TACR1: variants seen among roughly 807,000 people sequenced by gnomAD.
The protein encoded by TACR1 is tachykinin receptor 1.
In TACR1, 25 loss-of-function variants were observed where a neutral mutation model predicts 35.8. The observed-to-expected ratio is 0.70, with a 90% confidence interval of 0.51 to 0.98. The LOEUF (loss-of-function observed/expected upper bound fraction) is 0.98. Among genes scored for constraint, TACR1 ranks in the 50% least tolerant of loss-of-function variants. The probability of loss-of-function intolerance (pLI) is 0.00; values close to 1 mark genes in which losing one functional copy is unlikely to be tolerated. For missense variants in TACR1, 478 were observed against 522.9 expected (o/e 0.91, Z 0.84); for synonymous variants, 195 against 206.7 (o/e 0.94, Z 0.48).
chr2:75,061,578 A>G (rs1426394469), intron 2 of TACR1, among the ~76,000 whole-genome samples: 1 of 152,164 alleles, frequency 6.6e-6, no homozygotes, highest in Non-Finnish European at 1.5e-5. Context: ...CGACACGAGT[A>G]CATGTCCCAT....
chr2:75,081,508 T>C (rs77649725), intron 2 of TACR1, among the ~76,000 whole-genome samples: 248 of 152,278 alleles, frequency 1.6e-3, no homozygotes, highest in African/African-American at 5.6e-3. Context: ...CCTGCTCTTT[T>C]TGCCTTAGGG....
At chr2:75,094,859 A>ATATATATT in intron 2 of TACR1, among the ~76,000 whole-genome samples, 37 of 113,106 alleles carry the variant, frequency 3.3e-4, no homozygotes, top group Middle Eastern at 4.2e-3. Flanking sequence ...ATATATATAT[A>ATATATATT]TTTTTTTTTT....
At chr2:75,159,543 G>A in intron 1 of TACR1, among the ~76,000 whole-genome samples, 1 of 152,030 alleles carries the variant, frequency 6.6e-6, no homozygotes. Context: ...GTTACAGGCA[G>A]GAAAAAAGAT....
chr2:75,120,855 T>C, intron 1 of TACR1, 87 bp from the exon 2 acceptor site: 1 of 1,092,662 alleles, frequency 9.2e-7, no homozygotes, highest in East Asian at 2.6e-5. Context: ...AATAAGAAAA[T>C]TCATAGAAAC....
Position 75,051,239 on chromosome 2 carries a change from T to C in TACR1, c.932+12A>G, listed in dbSNP as rs199644774. On this transcript the variant is annotated intron_variant, in intron 4 of 4. Coordinates refer to ENST00000305249, the MANE Select transcript of TACR1 (RefSeq NM_001058.4). ...GTGGCCCCTGGAGAGCTCATGGGGT[T>C]GGGATCCTCACCTGTCATTGAGGCA... 6.2e-7 allele frequency: 1 copy of C among 1,614,134 alleles called. No homozygotes were observed. Among genetic ancestry groups the C allele is most frequent in the Non-Finnish European group, 8.5e-7 (1 of 1,180,016 alleles).
chr2:75,050,344 A>G (rs2103777326), intron 4 of TACR1, among the ~76,000 whole-genome samples: 1 of 152,360 alleles, frequency 6.6e-6, no homozygotes, highest in Non-Finnish European at 1.5e-5. Context: ...CAAGTTGAAG[A>G]GAATGTCTTT....
At chr2:75,054,510 T>G (rs950904493) in intron 2 of TACR1, among the ~76,000 whole-genome samples, 1 of 152,222 alleles carries the variant, frequency 6.6e-6, no homozygotes, top group African/African-American at 2.4e-5. Context: ...CACGTTTGAC[T>G]GGGACATGAG....
chr2:75,157,411 C>G (rs1674889830), intron 1 of TACR1, among the ~76,000 whole-genome samples: 1 of 152,168 alleles, frequency 6.6e-6, no homozygotes, highest in Admixed American at 6.5e-5. Flanking sequence ...TCCTGACAAA[C>G]AAGCATCATA....
intron 1 of TACR1, chr2:75,187,508 G>C (rs565048888): frequency 6.6e-6 from 1 of 152,330 alleles, no homozygotes; most frequent in African/African-American, 2.4e-5. Context: ...CGAGGTCTAA[G>C]TTTGTTTTAA....
At chr2:75,117,454 C>T (rs764480565) in intron 2 of TACR1, among the ~76,000 whole-genome samples, 7 of 152,150 alleles carry the variant, frequency 4.6e-5, no homozygotes, top group Non-Finnish European at 1.0e-4. Context: ...CTGTCATCTT[C>T]CAGTGAAACC....
chr2:75,132,544 C>T (rs1384718453), intron 1 of TACR1, among the ~76,000 whole-genome samples: 3 of 152,150 alleles, frequency 2.0e-5, no homozygotes, highest in Non-Finnish European at 4.4e-5. Flanking sequence ...ACATAATAAA[C>T]ATAATTTATA....
intron 1 of TACR1, among the ~76,000 whole-genome samples, chr2:75,162,332 C>A (rs1675030072): frequency 6.6e-6 from 1 of 152,124 alleles, no homozygotes; most frequent in South Asian, 2.1e-4. Context: ...TTTCTTTAAG[C>A]AAAATGGCAG....
Position 75,048,433 on chromosome 2 carries a change from G to A in TACR1, c.*999C>T, listed in dbSNP as rs1006094138. 3 of 152,292 alleles carry A rather than the reference G, an allele frequency of 2.0e-5. No individual in the cohort carries two copies. In the East Asian group the frequency reaches 5.8e-4, roughly 29 times the overall value. The allele number at this position is 152,292 out of a possible 1,614,324, so 9.4% of individuals were successfully genotyped here. Reference sequence around the variant, plus strand: ...CAAAAGCCAAAACCTTCCATGAGAAGGAATGTACTCAGGATTTTAAGATAA... The same window carrying A: ...CAAAAGCCAAAACCTTCCATGAGAAAGAATGTACTCAGGATTTTAAGATAA... On this transcript the variant is annotated 3_prime_UTR_variant, in exon 5 of 5. Transcript: ENST00000305249.
At chr2:75,185,702 A>C (rs919656881) in intron 1 of TACR1, among the ~76,000 whole-genome samples, 11 of 152,218 alleles carry the variant, frequency 7.2e-5, no homozygotes, top group African/African-American at 2.7e-4. Flanking sequence ...ACACTCCAAT[A>C]TGTTGGATCT....
At chr2:75,185,746 C>G (rs1675677896) in intron 1 of TACR1, among the ~76,000 whole-genome samples, 1 of 152,172 alleles carries the variant, frequency 6.6e-6, no homozygotes, top group African/African-American at 2.4e-5. Context: ...ATTACTAAAG[C>G]TTTCTGAAGA....
intron 1 of TACR1, among the ~76,000 whole-genome samples, chr2:75,184,559 A>G (rs1378235536): frequency 1.3e-5 from 2 of 151,910 alleles, no homozygotes; most frequent in Non-Finnish European, 2.9e-5. Flanking sequence ...TAGAACTTCA[A>G]CTGAATTACA....
At chr2:75,135,866 G>T (rs1674277284) in intron 1 of TACR1, among the ~76,000 whole-genome samples, 1 of 152,080 alleles carries the variant, frequency 6.6e-6, no homozygotes, top group African/African-American at 2.4e-5. Context: ...CTTTCCTGTG[G>T]AGGAGGAGCC....
chr2:75,071,204 T>C (rs1221594295), intron 2 of TACR1, among the ~76,000 whole-genome samples: 1 of 152,202 alleles, frequency 6.6e-6, no homozygotes, highest in Non-Finnish European at 1.5e-5. Flanking sequence ...ATCCCTGCTG[T>C]AAGGGAAAAA....
intron 1 of TACR1, among the ~76,000 whole-genome samples, chr2:75,142,871 C>T (rs1674437309): frequency 6.6e-6 from 1 of 152,158 alleles, no homozygotes; most frequent in Non-Finnish European, 1.5e-5. Context: ...GAGCCATTAT[C>T]TATACTTTTA....
Sources: gnomAD v4.1 joint callset for allele counts (sites outside exome capture counted in the v4.1 genomes callset) on GRCh38, gnomAD v4.1.1 for gene constraint, MANE v1.5 for transcripts, NCBI Gene and HGNC (gene_info 2026-07-23, HGNC 2026-07-21) for gene names.